FAT2: variants seen among roughly 807,000 people sequenced by gnomAD.
The protein encoded by FAT2 is FAT atypical cadherin 2.
Under a neutral mutation model 295.3 loss-of-function variants are expected in FAT2, and 150 were observed. That is an observed-to-expected ratio of 0.51 (90% CI 0.44 to 0.58). FAT2 has a LOEUF of 0.58. Ranked by LOEUF, FAT2 falls within the 20% of genes least tolerant of loss-of-function variation. The pLI is 0.00. For missense variants in FAT2, 4,868 were observed against 5,442.7 expected (o/e 0.89, Z 3.32); for synonymous variants, 2,026 against 2,150.3 (o/e 0.94, Z 1.60).
Position 151,521,454 on chromosome 5 carries a change from T to A in FAT2, c.11139A>T (p.Ser3713=). Residue 3713 remains serine, a synonymous_variant, in exon 19 of 24, where the codon TCA becomes TCT. Transcript: ENST00000261800. ...TAGCTGACCGCATCTGAACCCCCACTGAATGCTCCATCTCCTTGGCTGAGT... is the reference window on the plus strand; with the variant it reads ...TAGCTGACCGCATCTGAACCCCCACAGAATGCTCCATCTCCTTGGCTGAGT... ...ITHSAKEMEH[S]VGVQMRSAMP... The A allele has an allele frequency of 6.2e-7, 1 of 1,614,230 alleles. No homozygotes were observed. The highest frequency in any genetic ancestry group is 8.5e-7 in the Non-Finnish European group (1 of 1,180,042).
At chr5:151,580,311 T>C (rs1758897127) in intron 1 of FAT2, among the ~76,000 whole-genome samples, 1 of 152,162 alleles carries the variant, frequency 6.6e-6, no homozygotes, top group South Asian at 2.1e-4. Context: ...CTGCCTCCAC[T>C]TGCATTGAGG....
chr5:151,576,591 C>A (rs1407556588), intron 1 of FAT2, among the ~76,000 whole-genome samples: 1 of 151,966 alleles, frequency 6.6e-6, no homozygotes, highest in Non-Finnish European at 1.5e-5. Flanking sequence ...GAAAGAAAAA[C>A]TTTTAGGTTG....
At chr5:151,536,884 C>T (rs556393570) in intron 12 of FAT2, among the ~76,000 whole-genome samples, 1 of 152,284 alleles carries the variant, frequency 6.6e-6, no homozygotes, top group Admixed American at 6.5e-5. Context: ...ATTCTTTGTC[C>T]TCTCTCCTCC....
intron 21 of FAT2, chr5:151,510,376 A>T: frequency 1.8e-6 from 1 of 553,812 alleles, no homozygotes; most frequent in South Asian, 2.3e-5. Context: ...AACAGCTTAC[A>T]GCCCACCAGA....
At chr5:151,586,055 T>G (rs1759155606) in intron 1 of FAT2, among the ~76,000 whole-genome samples, 1 of 152,204 alleles carries the variant, frequency 6.6e-6, no homozygotes, top group South Asian at 2.1e-4. Flanking sequence ...TACCGCTTCC[T>G]CAGGCTAAGC....
rs753672644 is a variant in FAT2 at position 151,505,919 on chromosome 5, C to T, written c.12696G>A (p.Met4232Ile). The T allele has an allele frequency of 6.3e-6, 10 of 1,588,554 alleles. No individual in the cohort carries two copies. In the Admixed American group the frequency reaches 1.9e-4, roughly 30 times the overall value. The change falls in exon 24 of 24, where the codon ATG becomes ATA. Residue 4232 changes from methionine to isoleucine, a missense_variant. Around this residue, in one of 5 missense-constraint regions of FAT2, gnomAD observed 492 missense variants for 482.6 expected, o/e 1.02. Transcript: ENST00000261800. ...LYGGFPFPLEMENKRAPLPPR... is the reference protein window; with the variant it reads ...LYGGFPFPLEIENKRAPLPPR... ...GTGGGAGAGGTGCCCGCTTGTTTTC[C>T]ATCTCCAGGGGGAAGGGGAAGCCCC... is the stretch of plus-strand genomic sequence containing the variant.
At chr5:151,514,872 T>C (rs2082384) in intron 20 of FAT2, among the ~76,000 whole-genome samples, 110,557 of 152,174 alleles carry the variant, frequency 0.73, 40,538 homozygotes, top group East Asian at 0.96. Context: ...TTCCTCTTTC[T>C]TACATCTTTG....
rs191508642 is a variant in FAT2, at chr5:151,571,149, C to T, written c.-20-2198G>A. Among the ~76,000 whole-genome samples the T allele has an allele frequency of 1.3e-3, 198 of 151,434 alleles. 1 individual carries two copies. Among genetic ancestry groups the T allele is most frequent in the African/African-American group, 4.7e-3 (192 of 41,208 alleles). ...CGTTTCCCGCCCTGCCTGCCCACTA[C>T]TGTCCTTCCATGCTTAGAGCTGCAG... is the stretch of plus-strand genomic sequence containing the variant. On this transcript the variant is annotated intron_variant, in intron 1 of 23. Coordinates refer to ENST00000261800, the MANE Select transcript of FAT2 (RefSeq NM_001447.3).
At position 151,543,708 on chromosome 5, in the gene FAT2, A is replaced by G; in HGVS notation, c.7419T>C (p.Asn2473=). The G allele has an allele frequency of 6.2e-7, 1 of 1,614,164 alleles. No homozygotes were observed. Among genetic ancestry groups the G allele is most frequent in the Admixed American group, 1.7e-5 (1 of 60,020 alleles). Residue 2473 remains asparagine, a synonymous_variant, in exon 10 of 24, where the codon AAT becomes AAC. Transcript: ENST00000261800. ...ATVPVYINTT[N]ANKYSPEFQQ... Reference sequence around the variant, plus strand: ...GGAACTCTGGGCTGTACTTGTTGGCATTTGTAGTGTTGATGTACACAGGCA... The same window carrying G: ...GGAACTCTGGGCTGTACTTGTTGGCGTTTGTAGTGTTGATGTACACAGGCA...
chr5:151,542,618 A>G lies in FAT2; in HGVS notation c.8509T>C (p.Ser2837Pro). 1 of 1,614,222 alleles carries G rather than the reference A, an allele frequency of 6.2e-7. No homozygotes were observed. The highest frequency in any genetic ancestry group is 8.5e-7 in the Non-Finnish European group (1 of 1,180,040). ...TGGACATTGCTACCAGGGTCTGCAGACAGCCTGTAGCTCACCTGGCCATCT... is the reference window on the plus strand; with the variant it reads ...TGGACATTGCTACCAGGGTCTGCAGGCAGCCTGTAGCTCACCTGGCCATCT... ...GRDGQVSYRLSADPGSNVHEL... is the reference protein window; with the variant it reads ...GRDGQVSYRLPADPGSNVHEL... Residue 2837 changes from serine (S) to proline (P), a missense_variant, in exon 10 of 24, where the codon TCT (serine) becomes CCT (proline). Physicochemically the swap from Ser to Pro is moderately conservative, Grantham distance 74 (BLOSUM62 -1). Coordinates refer to ENST00000261800, the MANE Select transcript of FAT2 (RefSeq NM_001447.3).
At chr5:151,556,452 C>T in intron 3 of FAT2, 50 bp from the exon 4 acceptor site, 1 of 1,325,054 alleles carries the variant, frequency 7.5e-7, no homozygotes, top group Non-Finnish European at 1.1e-6. Context: ...CTTTCAGGGC[C>T]ACTTTACTGA....
At chr5:151,507,822 G>A (rs1761016598) in intron 22 of FAT2, among the ~76,000 whole-genome samples, 1 of 152,070 alleles carries the variant, frequency 6.6e-6, no homozygotes, top group Admixed American at 6.5e-5. Context: ...CCTCATTTGT[G>A]ACCATTAGGA....
chr5:151,521,739 G>A lies in FAT2; in HGVS notation c.10854C>T (p.Tyr3618=), dbSNP rs3734046. 1,182,777 of 1,613,792 alleles carry A rather than the reference G, an allele frequency of 0.73. 436,490 individuals carry two copies. The highest frequency in any genetic ancestry group is 0.95 in the East Asian group (42,511 of 44,872). ...GAGCCTCCTGCCCCACATGCCACAC[G>A]TACACATGGACCCCAGCAGTCGTGG... is the stretch of plus-strand genomic sequence containing the variant. ...TFTTTAGVHV[Y]VWHVGQEALQ... Residue 3618 remains tyrosine (Y), a synonymous_variant, in exon 19 of 24, where the codon TAC becomes TAT. Coordinates refer to ENST00000261800, the MANE Select transcript of FAT2 (RefSeq NM_001447.3).
chr5:151,561,122 G>C (rs1440151481), intron 3 of FAT2, among the ~76,000 whole-genome samples: 2 of 152,336 alleles, frequency 1.3e-5, no homozygotes, highest in South Asian at 2.1e-4. Flanking sequence ...AAGTGTGTTA[G>C]GGTATCAGGA....
In FAT2 at chr5:151,543,599, T is replaced by C. The variant is rs769860014; in HGVS notation, c.7528A>G (p.Ser2510Gly). 9 of 1,614,122 alleles carry C rather than the reference T, an allele frequency of 5.6e-6. No homozygotes were observed. Among genetic ancestry groups the C allele is most frequent in the Middle Eastern group, 1.6e-4 (1 of 6,084 alleles). ...TAATCTATAGTGCCATAGGGACCAC[T>C]ATCTTTGTCTATGGCTAGCAAATCA... ...VIDLLAIDKD[S>G]GPYGTIDYTI... is the part of the protein sequence containing the mutation. The change falls in exon 10 of 24, where the codon AGT becomes GGT. Residue 2510 changes from serine to glycine, a missense_variant. By Grantham distance (56) the Ser-to-Gly change is moderately conservative (BLOSUM62 0). Transcript: ENST00000261800.
intron 11 of FAT2, among the ~76,000 whole-genome samples, chr5:151,538,843 A>AT (rs535453451): frequency 0.11 from 15,284 of 143,802 alleles, 927 homozygotes; most frequent in Non-Finnish European, 0.14. Context: ...CACCTGGCTA[A>AT]TTTTTTTTTT....
rs891173129 is a variant in FAT2 at position 151,505,721 on chromosome 5, C to A, written c.12894G>T (p.Val4298=). The A allele has an allele frequency of 1.2e-6, 2 of 1,613,864 alleles. No individual in the cohort carries two copies. The highest frequency in any genetic ancestry group is 2.7e-5 in the African/African-American group (2 of 74,934). Residue 4298 remains valine, a synonymous_variant, in exon 24 of 24, where the codon GTG becomes GTT. Transcript: ENST00000261800. ...GCCCAGCTCGGCTGAGGCGCATACC[C>A]ACCCCCTTGTAGCCCCCGTCTGCCA... ...PCLADGGYKG[V]GMRLSRAGPS...
At chr5:151,534,319 C>T (rs1270445830) in intron 13 of FAT2, 90 bp downstream of exon 13, 1 of 992,122 alleles carries the variant, frequency 1.0e-6, no homozygotes, top group East Asian at 2.7e-5. Context: ...CCGCCCTTAC[C>T]AGTCCTAGAG....
Position 151,542,487 on chromosome 5 carries a change from G to A in FAT2, c.8640C>T (p.His2880=), listed in dbSNP as rs746961432. ...TYHFHVVAYD[H]GQTIQLSSQA... Reference sequence around the variant, plus strand: ...GAGAGGATAGCTGGATGGTCTGTCCGTGGTCATAGGCCACCACATGAAAAT... The same window carrying A: ...GAGAGGATAGCTGGATGGTCTGTCCATGGTCATAGGCCACCACATGAAAAT... The change falls in exon 10 of 24, where the codon CAC becomes CAT. Residue 2880 remains histidine (H), a synonymous_variant. Coordinates refer to ENST00000261800, the MANE Select transcript of FAT2 (RefSeq NM_001447.3). The A allele has an allele frequency of 1.5e-4, 243 of 1,614,080 alleles. No individual in the cohort carries two copies. The highest frequency in any genetic ancestry group is 1.8e-4 in the Non-Finnish European group (218 of 1,180,048).
Sources: gnomAD v4.1 joint callset for allele counts (sites outside exome capture counted in the v4.1 genomes callset) on GRCh38, gnomAD v4.1.1 for gene constraint, gnomAD v4.1.1 regional missense constraint, MANE v1.5 for transcripts, NCBI Gene and HGNC (gene_info 2026-07-23, HGNC 2026-07-21) for gene names.